The following PAAF1 variants were observed in gnomAD, a reference collection of about 807,000 sequenced individuals.
PAAF1 encodes the protein proteasomal ATPase-associated factor 1.
Under a neutral mutation model 52.8 loss-of-function variants are expected in PAAF1, and 46 were observed. That is an observed-to-expected ratio of 0.87 (90% confidence interval 0.69 to 1.11). The LOEUF (loss-of-function observed/expected upper bound fraction) is 1.11. Among genes scored for constraint, PAAF1 ranks in the 50% most tolerant of loss-of-function variants. The probability of loss-of-function intolerance (pLI) is 0.00; values close to 1 mark genes in which losing one functional copy is unlikely to be tolerated. For synonymous variants in PAAF1, 178 were observed against 172.8 expected (o/e 1.03, Z -0.24); for missense variants, 424 against 477.4 (o/e 0.89, Z 1.04).
intron 10 of PAAF1, among the ~76,000 whole-genome samples, chr11:73,922,877 T>C (rs890166246): frequency 6.6e-6 from 1 of 151,692 alleles, no homozygotes; most frequent in African/African-American, 2.4e-5. Flanking sequence ...TTGGAACTCT[T>C]TGATTATTAG....
intron 4 of PAAF1, among the ~76,000 whole-genome samples, chr11:73,897,810 C>CT (rs1949455943): frequency 6.6e-6 from 1 of 152,134 alleles, no homozygotes; most frequent in South Asian, 2.1e-4. Context: ...AATCTCGGCA[C>CT]TTTGGGAGGC....
intron 10 of PAAF1, 121 bp downstream of exon 10, chr11:73,919,153 G>A (rs1173887538): frequency 3.8e-6 from 3 of 793,640 alleles, no homozygotes; most frequent in Non-Finnish European, 4.1e-6. Flanking sequence ...TTGGCATATT[G>A]TACCTATCAA....
chr11:73,909,563 A>G lies in PAAF1; in HGVS notation c.697A>G (p.Ile233Val), dbSNP rs776343282. The change falls in exon 7 of 12, where the codon ATA becomes GTA. Residue 233 changes from isoleucine to valine, a missense_variant. Transcript: ENST00000310571. ...GGCGGTGGGTGCTGCTGACAACTCC[A>G]TAAACCTTGGCTCCCCTGAGCAGAT... ...GVAVGAADNS[I>V]NLGSPEQMPS... is the part of the protein sequence containing the mutation. 5 of 1,614,198 alleles carry G rather than the reference A, an allele frequency of 3.1e-6. No individual in the cohort carries two copies. The highest frequency in any genetic ancestry group is 4.2e-6 in the Non-Finnish European group (5 of 1,180,030).
In PAAF1 at chr11:73,914,398, T is replaced by G. The variant is rs776657726; in HGVS notation, c.728-15T>G. 2 of 1,612,806 alleles carry G rather than the reference T, an allele frequency of 1.2e-6. No individual in the cohort carries two copies. Reference sequence around the variant, plus strand: ...TCAGCCTCACTGTTATTAACATAGTTTATTTGTCATGCAGGTGAACGGGAG... The same window carrying G: ...TCAGCCTCACTGTTATTAACATAGTGTATTTGTCATGCAGGTGAACGGGAG... On this transcript the variant is annotated splice_polypyrimidine_tract_variant and intron_variant, in intron 7 of 11. Transcript: ENST00000310571.
At chr11:73,882,160 C>T (rs970168888) in intron 2 of PAAF1, among the ~76,000 whole-genome samples, 22 of 151,872 alleles carry the variant, frequency 1.4e-4, no homozygotes, top group African/African-American at 4.3e-4. Context: ...GGATTACAGG[C>T]GTGAGCCACT....
chr11:73,915,318 C>G (rs1950034183), intron 8 of PAAF1, among the ~76,000 whole-genome samples: 2 of 152,166 alleles, frequency 1.3e-5, no homozygotes, highest in South Asian at 4.1e-4. Context: ...GTAAAGAACT[C>G]ACGCCCACTG....
At chr11:73,895,642 T>C (rs1046768471) in intron 4 of PAAF1, among the ~76,000 whole-genome samples, 3 of 152,232 alleles carry the variant, frequency 2.0e-5, no homozygotes, top group Middle Eastern at 3.2e-3. Context: ...TAATAACTTA[T>C]GTGGGAATTA....
chr11:73,894,718 G>A (rs563660072), intron 4 of PAAF1, among the ~76,000 whole-genome samples: 3 of 152,246 alleles, frequency 2.0e-5, no homozygotes, highest in East Asian at 3.9e-4. Context: ...CAGCTACTCC[G>A]GAGGCTAAGG....
intron 10 of PAAF1, 149 bp downstream of exon 10, chr11:73,919,181 C>T (rs553869533): frequency 1.9e-5 from 13 of 668,398 alleles, no homozygotes; most frequent in East Asian, 8.5e-5. Context: ...TATCACTCTA[C>T]GTTGTGATTG....
intron 2 of PAAF1, among the ~76,000 whole-genome samples, chr11:73,882,288 A>G (rs1948932965): frequency 6.8e-6 from 1 of 147,456 alleles, no homozygotes; most frequent in South Asian, 2.1e-4. Flanking sequence ...CTGGGATTAC[A>G]GGCGTGAGGC....
At chr11:73,900,703 C>T (rs543926227) in intron 6 of PAAF1, among the ~76,000 whole-genome samples, 177 of 152,182 alleles carry the variant, frequency 1.2e-3, no homozygotes, top group Admixed American at 6.4e-3. Context: ...TGTTTTCTGG[C>T]CGGGCGCGGT....
intron 6 of PAAF1, among the ~76,000 whole-genome samples, chr11:73,907,859 T>C (rs183341517): frequency 3.7e-4 from 57 of 152,358 alleles, no homozygotes; most frequent in African/African-American, 1.3e-3. Context: ...CAACAGACTT[T>C]ACTGGGAGTT....
At chr11:73,912,748 A>G (rs552198639) in intron 7 of PAAF1, among the ~76,000 whole-genome samples, 1 of 152,192 alleles carries the variant, frequency 6.6e-6, no homozygotes, top group South Asian at 2.1e-4. Flanking sequence ...ACAAGCTCTT[A>G]TACTTTCTGA....
chr11:73,918,944 T>A lies in PAAF1; in HGVS notation c.936-6T>A, dbSNP rs778827525. 1.2e-6 allele frequency: 2 copies of A among 1,611,716 alleles called. No homozygotes were observed. Among genetic ancestry groups the A allele is most frequent in the Admixed American group, 1.7e-5 (1 of 59,294 alleles). ...AAGTAAAATTTCCCCTTTCTCTGAATCCTAGGGCTCCGGTACAAGTCATCC... is the reference window on the plus strand; with the variant it reads ...AAGTAAAATTTCCCCTTTCTCTGAAACCTAGGGCTCCGGTACAAGTCATCC... On this transcript the variant is annotated splice_region_variant and splice_polypyrimidine_tract_variant and intron_variant, in intron 9 of 11. Coordinates refer to ENST00000310571, the MANE Select transcript of PAAF1 (RefSeq NM_025155.3).
chr11:73,914,382 C>G (rs1565148168), intron 7 of PAAF1, 31 bp from the exon 8 acceptor site: 3 of 1,600,210 alleles, frequency 1.9e-6, no homozygotes, highest in East Asian at 2.2e-5. Flanking sequence ...ATCAGCCTCA[C>G]TGTTATTAAC....
At chr11:73,887,970 G>C (rs191989211) in intron 3 of PAAF1, among the ~76,000 whole-genome samples, 1 of 152,060 alleles carries the variant, frequency 6.6e-6, no homozygotes, top group East Asian at 1.9e-4. Context: ...GGCTGGTCTC[G>C]AACTCCTGAC....
At chr11:73,891,605 G>A (rs1397735850) in intron 4 of PAAF1, among the ~76,000 whole-genome samples, 1 of 151,914 alleles carries the variant, frequency 6.6e-6, no homozygotes, top group Non-Finnish European at 1.5e-5. Flanking sequence ...GTGAAACCCT[G>A]TCTCCACAAA....
intron 3 of PAAF1, chr11:73,889,134 A>T: frequency 6.9e-7 from 1 of 1,442,540 alleles, no homozygotes. Context: ...GTTTTGGCAC[A>T]GCCTGGGTGC....
At chr11:73,902,758 G>A (rs181720139) in intron 6 of PAAF1, among the ~76,000 whole-genome samples, 33 of 152,134 alleles carry the variant, frequency 2.2e-4, no homozygotes, top group Non-Finnish European at 3.8e-4. Flanking sequence ...GTGCAGTGGC[G>A]CGATCTTGGC....
Sources: allele counts gnomAD v4.1 joint callset (sites outside exome capture counted in the v4.1 genomes callset), GRCh38; gene constraint gnomAD v4.1.1; transcripts MANE v1.5; gene names NCBI Gene and HGNC (gene_info 2026-07-23, HGNC 2026-07-21).